Variants in NGEF observed in about 807,000 individuals in gnomAD.
NGEF encodes the protein neuronal guanine nucleotide exchange factor, also known as ephexin-1.
NGEF carries 31 observed loss-of-function variants against 80.9 expected under a neutral mutation model. The ratio of observed to expected loss-of-function variants is 0.38; its 90% CI spans 0.29 to 0.52. The LOEUF is 0.52. Ranked by LOEUF, NGEF falls within the 20% of genes least tolerant of loss-of-function variation. The pLI is 0.84. For synonymous variants in NGEF, 371 were observed against 370.2 expected, an observed-to-expected ratio of 1.00 and a Z score of -0.03; for missense variants, 709 against 926.2, an observed-to-expected ratio of 0.77 and a Z score of 3.04.
At position 232,879,419 on chromosome 2, in the gene NGEF, A is replaced by AGC. The variant is rs1691409444; in HGVS notation, c.*68_*69dup. On this transcript the variant is annotated 3_prime_UTR_variant, in exon 15 of 15. Transcript: ENST00000264051. ...GGAGGTGCTGGCCTGTGCTTCCCAGAGCCCCCCCCCCCCCACCTTCTGTCG... is the reference window on the plus strand; with the variant it reads ...GGAGGTGCTGGCCTGTGCTTCCCAGAGCGCCCCCCCCCCCCCACCTTCTGTCG... 2.5e-6 allele frequency: 3 copies of AGC among 1,186,212 alleles called. No individual in the cohort carries two copies. Among genetic ancestry groups the AGC allele is most frequent in the Non-Finnish European group, 2.3e-6 (2 of 883,466 alleles). 73.5% of individuals were successfully genotyped at this position (1,186,212 alleles called of 1,614,324 possible).
At chr2:232,958,136 C>T (rs964700848) in intron 3 of NGEF, among the ~76,000 whole-genome samples, 3 of 152,130 alleles carry the variant, frequency 2.0e-5, no homozygotes, top group African/African-American at 4.8e-5. Flanking sequence ...AGCACCCAAG[C>T]GAGGGATGCC....
chr2:232,944,590 C>T (rs1359464037), intron 3 of NGEF, among the ~76,000 whole-genome samples: 9 of 149,924 alleles, frequency 6.0e-5, no homozygotes, highest in Admixed American at 6.0e-4. Flanking sequence ...CTTTTGTGAA[C>T]TAATGATAGA....
chr2:232,921,315 G>A (rs1692938218), intron 4 of NGEF, among the ~76,000 whole-genome samples: 1 of 152,182 alleles, frequency 6.6e-6, no homozygotes, highest in Non-Finnish European at 1.5e-5. Flanking sequence ...GTGGGATGGT[G>A]AGGGGTAATC....
chr2:232,902,533 G>A (rs567820835), intron 5 of NGEF, among the ~76,000 whole-genome samples: 5 of 152,254 alleles, frequency 3.3e-5, no homozygotes, highest in African/African-American at 1.2e-4. Context: ...CCAAACCCAA[G>A]CCTCGGCACT....
chr2:232,881,241 TG>T lies in NGEF; in HGVS notation c.1846del (p.Gln616ArgfsTer16). 1.2e-6 allele frequency: 2 copies of T among 1,607,464 alleles called. No homozygotes were observed. On this transcript the variant is annotated frameshift_variant, in exon 14 of 15. Transcript: ENST00000264051. LOFTEE classifies it high-confidence loss of function. The part of the protein sequence containing the change: ...SFTSRLLDCP[Q>X]VQCVHPYVAQ... ...CACGTATGGGTGCACGCACTGGACCTGGGGGCAGTCTGAGGGACAAGAGGCA... is the reference window on the plus strand; with the variant it reads ...CACGTATGGGTGCACGCACTGGACCTGGGGCAGTCTGAGGGACAAGAGGCA...
At chr2:232,951,504 T>C (rs1693678294) in intron 3 of NGEF, among the ~76,000 whole-genome samples, 1 of 152,204 alleles carries the variant, frequency 6.6e-6, no homozygotes, top group South Asian at 2.1e-4. Flanking sequence ...GAGCATGCTA[T>C]TATTCTACAC....
intron 9 of NGEF, among the ~76,000 whole-genome samples, chr2:232,886,289 C>T (rs888100245): frequency 5.0e-5 from 7 of 139,872 alleles, no homozygotes; most frequent in Non-Finnish European, 1.1e-4. Flanking sequence ...TGTGTGTGTG[C>T]GTGCTGTGTG....
At chr2:232,905,836 C>A (rs780872456) in intron 5 of NGEF, 2 of 283,458 alleles carry the variant, frequency 7.1e-6, no homozygotes, top group South Asian at 5.0e-5. Context: ...CGGCTGCCAC[C>A]CCGTCTGGGA....
rs992325646 is a variant in NGEF, at chr2:233,012,602, C to T, written c.-75+466G>A. 10 of 325,072 alleles carry T rather than the reference C, an allele frequency of 3.1e-5. No homozygotes were observed. In the Admixed American group the frequency reaches 4.5e-4, roughly 15 times the overall value. The allele number at this position is 325,072 out of a possible 1,614,324, so 20.1% of individuals were successfully genotyped here. On this transcript the variant is annotated intron_variant, in intron 1 of 14. Transcript: ENST00000264051. ...CAGGGCACTTCCGTTTACATATACG[C>T]TCATTATCAGGACTGGCGTCGTGGG...
chr2:232,977,071 G>A (rs544274009), intron 1 of NGEF, among the ~76,000 whole-genome samples: 1 of 152,116 alleles, frequency 6.6e-6, no homozygotes, highest in Non-Finnish European at 1.5e-5. Context: ...AGCGAGATGG[G>A]GTGATTTTCA....
chr2:232,986,251 T>C (rs1694529396), intron 1 of NGEF, among the ~76,000 whole-genome samples: 1 of 152,240 alleles, frequency 6.6e-6, no homozygotes, highest in African/African-American at 2.4e-5. Context: ...CACCCTTGTG[T>C]GCTGGTGGTA....
Position 232,891,378 on chromosome 2 carries a change from G to A in NGEF, c.1252C>T (p.Arg418Cys). The change falls in exon 8 of 15, where the codon CGC becomes TGC. Residue 418 changes from arginine to cysteine, a missense_variant. Arg to Cys is a radical substitution (Grantham distance 180). This residue lies in a region of NGEF where 426 missense variants were observed against 622.9 expected (regional missense o/e 0.68). Coordinates refer to ENST00000264051, the MANE Select transcript of NGEF (RefSeq NM_019850.3). The part of the protein sequence containing the change: ...FLILPFQRIT[R>C]LKLLVQNILK... ...TGTACCTGGACCAACAGCTTGAGGC[G>A]TGTGATCCTCTGGAAAGGCAGGATG... 3.1e-6 allele frequency: 5 copies of A among 1,613,650 alleles called. No homozygotes were observed. The highest frequency in any genetic ancestry group is 3.4e-6 in the Non-Finnish European group (4 of 1,179,956).
At chr2:232,949,391 A>G (rs1052996726) in intron 3 of NGEF, among the ~76,000 whole-genome samples, 1 of 152,336 alleles carries the variant, frequency 6.6e-6, no homozygotes, top group South Asian at 2.1e-4. Context: ...GTCAAAGATT[A>G]GGAATATCTT....
At chr2:232,895,022 AGGG>A in intron 5 of NGEF, 106 bp from the exon 6 acceptor site, 2 of 1,328,762 alleles carry the variant, frequency 1.5e-6, no homozygotes, top group Admixed American at 2.1e-5. Context: ...GGGAGTTGAA[AGGG>A]AAAAATCGCC....
At chr2:233,005,887 G>C (rs1055409532) in intron 1 of NGEF, among the ~76,000 whole-genome samples, 2 of 152,196 alleles carry the variant, frequency 1.3e-5, no homozygotes, top group African/African-American at 4.8e-5. Flanking sequence ...CATGATCTCA[G>C]CCCACCGCAA....
intron 3 of NGEF, among the ~76,000 whole-genome samples, chr2:232,954,761 C>T (rs1435894004): frequency 6.7e-6 from 1 of 149,924 alleles, no homozygotes; most frequent in Non-Finnish European, 1.5e-5. Context: ...GCTCCTAATG[C>T]CATCTGAGGC....
At chr2:233,005,299 A>G (rs1164974851) in intron 1 of NGEF, among the ~76,000 whole-genome samples, 1 of 152,134 alleles carries the variant, frequency 6.6e-6, no homozygotes, top group Admixed American at 6.5e-5. Context: ...CCACATGGAG[A>G]GTGCAGTGGG....
chr2:232,942,421 G>C (rs1177236156), intron 3 of NGEF, among the ~76,000 whole-genome samples: 1 of 152,164 alleles, frequency 6.6e-6, no homozygotes, highest in Non-Finnish European at 1.5e-5. Context: ...AAAGCACGTG[G>C]ACATTCTTTA....
intron 7 of NGEF, among the ~76,000 whole-genome samples, chr2:232,891,977 ACG>A (rs1375880839): frequency 6.7e-5 from 1 of 14,878 alleles, no homozygotes; most frequent in Non-Finnish European, 1.6e-4. Context: ...GATGGCAGGG[ACG>A]GCAGGGACAG....
Sources: allele counts gnomAD v4.1 joint callset (sites outside exome capture counted in the v4.1 genomes callset), GRCh38; gene constraint gnomAD v4.1.1; regional missense constraint gnomAD v4.1.1; transcripts MANE v1.5; gene names NCBI Gene and HGNC (gene_info 2026-07-23, HGNC 2026-07-21).